Variants in PLXDC1 observed in about 807,000 individuals in gnomAD.
PLXDC1 encodes plexin domain containing 1.
PLXDC1 carries 39 observed loss-of-function variants against 61.3 expected under a neutral mutation model. That is an observed-to-expected ratio of 0.64 (90% CI 0.49 to 0.83). PLXDC1 has a LOEUF of 0.83. Ranked by LOEUF, PLXDC1 falls within the 40% of genes least tolerant of loss-of-function variation. The pLI is 0.00. For missense variants in PLXDC1, 596 were observed against 666.5 expected (o/e 0.89, Z 1.17); for synonymous variants, 212 against 254.5 (o/e 0.83, Z 1.59).
intron 12 of PLXDC1, among the ~76,000 whole-genome samples, chr17:39,071,311 G>A (rs1909109268): frequency 7.1e-6 from 1 of 141,514 alleles, no homozygotes; most frequent in Non-Finnish European, 1.5e-5. Context: ...AGATAATGAG[G>A]TAGAGAAGAC....
chr17:39,152,025 C>A (rs920514788), upstream of PLXDC1, among the ~76,000 whole-genome samples: 4 of 152,138 alleles, frequency 2.6e-5, no homozygotes, highest in African/African-American at 9.7e-5. Context: ...CCAAGCTCTG[C>A]GACTTCCTGA....
rs868238667 is a variant in PLXDC1, at chr17:39,106,654, T to C, written c.712-701A>G. Among the ~76,000 whole-genome samples the C allele has an allele frequency of 2.2e-4, 32 of 145,674 alleles. 1 individual carries two copies. Among genetic ancestry groups the C allele is most frequent in the East Asian group, 9.9e-4 (5 of 5,034 alleles). On this transcript the variant is annotated intron_variant, in intron 6 of 13. Transcript: ENST00000315392. Reference sequence around the variant, plus strand: ...TTTTTTCTTTTTTCTTTTTCTTTCTTTTTTTTTTTTTTTGAGACAGATTCT... The same window carrying C: ...TTTTTTCTTTTTTCTTTTTCTTTCTCTTTTTTTTTTTTTGAGACAGATTCT...
At chr17:39,090,219 A>G (rs1235782065) in intron 7 of PLXDC1, among the ~76,000 whole-genome samples, 1 of 152,204 alleles carries the variant, frequency 6.6e-6, no homozygotes, top group Non-Finnish European at 1.5e-5. Context: ...GCCCTGCTGC[A>G]GGACACTTCA....
chr17:39,104,849 C>G (rs1447378018), intron 7 of PLXDC1, among the ~76,000 whole-genome samples: 2 of 152,154 alleles, frequency 1.3e-5, no homozygotes, highest in East Asian at 3.8e-4. Context: ...TTCACTGTAT[C>G]TCAACAGTGC....
intron 11 of PLXDC1, among the ~76,000 whole-genome samples, chr17:39,075,286 C>A (rs1165948111): frequency 6.6e-6 from 1 of 152,212 alleles, no homozygotes; most frequent in Admixed American, 6.5e-5. Flanking sequence ...GAATCCCCTG[C>A]AGCACCACCA....
At chr17:39,136,867 CAAAT>C (rs975754158) in intron 2 of PLXDC1, among the ~76,000 whole-genome samples, 13 of 151,948 alleles carry the variant, frequency 8.6e-5, no homozygotes, top group African/African-American at 3.1e-4. Context: ...AGCACACTAA[CAAAT>C]AAACAACAAA....
Position 39,139,649 on chromosome 17 carries a change from C to T in PLXDC1, c.255+5G>A. Reference sequence around the variant, plus strand: ...GCTCCCCCTCCATGTTCCTCCAGCACTCACCACCACCCTGGTCCTGTTATC... The same window carrying T: ...GCTCCCCCTCCATGTTCCTCCAGCATTCACCACCACCCTGGTCCTGTTATC... On this transcript the variant is annotated splice_donor_5th_base_variant and intron_variant, in intron 2 of 13. Coordinates refer to ENST00000315392, the MANE Select transcript of PLXDC1 (RefSeq NM_020405.5). The T allele has an allele frequency of 1.9e-6, 3 of 1,608,682 alleles. No homozygotes were observed. Among genetic ancestry groups the T allele is most frequent in the Middle Eastern group, 1.9e-4 (1 of 5,362 alleles).
rs760628231 is a variant in PLXDC1 at position 39,087,613 on chromosome 17, A to G, written c.901T>C (p.Leu301=). ...CGGAATGACCCCTACTCACTCGGCAATGGGGTGAACTCCACGGCCGACATG... is the reference window on the plus strand; with the variant it reads ...CGGAATGACCCCTACTCACTCGGCAGTGGGGTGAACTCCACGGCCGACATG... The part of the protein sequence containing the change: ...TSMSAVEFTP[L]PTCLQHRSCD... Residue 301 remains leucine (L), a synonymous_variant, in exon 8 of 14, where the codon TTG becomes CTG. Coordinates refer to ENST00000315392, the MANE Select transcript of PLXDC1 (RefSeq NM_020405.5). The G allele has an allele frequency of 3.1e-6, 5 of 1,612,604 alleles. No individual in the cohort carries two copies. The highest frequency in any genetic ancestry group is 2.2e-5 in the East Asian group (1 of 44,886).
intron 7 of PLXDC1, among the ~76,000 whole-genome samples, chr17:39,097,817 G>A (rs563493260): frequency 1.3e-5 from 2 of 150,734 alleles, no homozygotes; most frequent in South Asian, 2.1e-4. Flanking sequence ...CAGGAGGATC[G>A]CTTAAGCCCA....
intron 2 of PLXDC1, among the ~76,000 whole-genome samples, chr17:39,137,149 T>C (rs1911780078): frequency 6.6e-6 from 1 of 152,118 alleles, no homozygotes; most frequent in South Asian, 2.1e-4. Flanking sequence ...CTTCCAGAAG[T>C]CAGGGGAAAA....
rs1008963874 is a variant in PLXDC1, at chr17:39,065,804, A to T, written c.*2036T>A. The T allele has an allele frequency of 3.9e-5, 6 of 152,460 alleles. No homozygotes were observed. Among genetic ancestry groups the T allele is most frequent in the African/African-American group, 1.4e-4 (6 of 41,454 alleles). 9.4% of individuals were successfully genotyped at this position (152,460 alleles called of 1,614,324 possible). A position where few individuals can be genotyped will look rare whatever the true frequency, so the allele number is the denominator to read the frequency against. ...CCTGCGACTGGCTGACAGTCCAGCAAGGCAAGGAGGTAGGTACTTCACACA... is the reference window on the plus strand; with the variant it reads ...CCTGCGACTGGCTGACAGTCCAGCATGGCAAGGAGGTAGGTACTTCACACA... On this transcript the variant is annotated 3_prime_UTR_variant, in exon 14 of 14. Coordinates refer to ENST00000315392, the MANE Select transcript of PLXDC1 (RefSeq NM_020405.5).
chr17:39,101,087 G>C (rs1348449954), intron 7 of PLXDC1, among the ~76,000 whole-genome samples: 2 of 152,210 alleles, frequency 1.3e-5, no homozygotes, highest in South Asian at 2.1e-4. Flanking sequence ...CCACACATTG[G>C]AGCTGAAGGA....
intron 1 of PLXDC1, among the ~76,000 whole-genome samples, chr17:39,150,286 G>A (rs140488481): frequency 0.012 from 1,760 of 152,068 alleles, 15 homozygotes; most frequent in Non-Finnish European, 0.017. Context: ...TAGGGACCCA[G>A]GTCTGTCTCA....
chr17:39,118,041 G>C (rs990384798), intron 2 of PLXDC1, among the ~76,000 whole-genome samples: 1 of 151,792 alleles, frequency 6.6e-6, no homozygotes, highest in Non-Finnish European at 1.5e-5. Flanking sequence ...TCTAGAGCCA[G>C]TCCTTTTAGT....
At chr17:39,128,097 G>GTGTGTGTGTATATATA (rs1911379292) in intron 2 of PLXDC1, among the ~76,000 whole-genome samples, 1 of 67,478 alleles carries the variant, frequency 1.5e-5, no homozygotes, top group Non-Finnish European at 2.7e-5. Context: ...CTCTCTATGT[G>GTGTGTGTGTATATATA]TATATATATA....
At chr17:39,070,042 A>C in intron 12 of PLXDC1, 26 bp from the exon 13 acceptor site, 1 of 1,588,900 alleles carries the variant, frequency 6.3e-7, no homozygotes, top group Admixed American at 1.7e-5. Flanking sequence ...TAGGGCAGAC[A>C]GGGGCTGCAG....
intron 2 of PLXDC1, among the ~76,000 whole-genome samples, chr17:39,128,139 GTATATATATGTGTGTATATATA>G (rs1911400660): frequency 1.1e-5 from 1 of 95,084 alleles, no homozygotes; most frequent in African/African-American, 4.8e-5. Context: ...GTATATATAT[GTATATATATGTGTGTATATATA>G]TGTATATATA....
chr17:39,140,431 G>C (rs564482213), intron 1 of PLXDC1, among the ~76,000 whole-genome samples: 1 of 152,082 alleles, frequency 6.6e-6, no homozygotes, highest in African/African-American at 2.4e-5. Flanking sequence ...TCAGCCTCCC[G>C]AGTAGCTGGG....
intron 10 of PLXDC1, 44 bp from the exon 11 acceptor site, chr17:39,078,092 T>A (rs1909412821): frequency 1.3e-6 from 2 of 1,503,382 alleles, no homozygotes; most frequent in Admixed American, 4.5e-5. Flanking sequence ...CATTTACACC[T>A]TTCCCTTCAT....
Sources: gnomAD v4.1 joint callset for allele counts (sites outside exome capture counted in the v4.1 genomes callset) on GRCh38, gnomAD v4.1.1 for gene constraint, MANE v1.5 for transcripts, NCBI Gene and HGNC (gene_info 2026-07-23, HGNC 2026-07-21) for gene names.